PCGF6: variants seen among roughly 807,000 people sequenced by gnomAD.
PCGF6 encodes polycomb group ring finger 6, also known as polycomb group RING finger protein 6.
In PCGF6, 24 loss-of-function variants were observed where a neutral mutation model predicts 45.5. The observed-to-expected ratio is 0.53, with a 90% CI of 0.38 to 0.74. PCGF6 has a LOEUF of 0.74. PCGF6 is among the 30% of genes least tolerant of loss of function. The pLI is 0.00. For synonymous variants in PCGF6, 152 were observed against 162.1 expected (o/e 0.94, Z 0.47); for missense variants, 356 against 443.2 (o/e 0.80, Z 1.77).
chr10:103,349,295 G>A (rs1187694711), intron 1 of PCGF6, among the ~76,000 whole-genome samples: 4 of 151,594 alleles, frequency 2.6e-5, no homozygotes, highest in East Asian at 3.9e-4. Context: ...TGATCCACCC[G>A]CCAAGGCCTC....
At chr10:103,326,700 T>C (rs2093220227) in intron 7 of PCGF6, 68 bp from the exon 8 acceptor site, 6 of 1,133,272 alleles carry the variant, frequency 5.3e-6, no homozygotes, top group Non-Finnish European at 7.5e-6. Context: ...CGTATGTGTA[T>C]ATATATGTAA....
chr10:103,331,579 A>G (rs1180181313), intron 7 of PCGF6, among the ~76,000 whole-genome samples: 1 of 152,214 alleles, frequency 6.6e-6, no homozygotes, highest in East Asian at 1.9e-4. Flanking sequence ...TATTAAAAAT[A>G]CATATATATT....
chr10:103,306,524 T>C (rs1490845560), intron 9 of PCGF6, among the ~76,000 whole-genome samples: 3 of 152,206 alleles, frequency 2.0e-5, no homozygotes, highest in Non-Finnish European at 2.9e-5. Flanking sequence ...TTGCAGCTCA[T>C]ATATCCTGTA....
At chr10:103,319,158 T>G (rs952346316) in intron 8 of PCGF6, among the ~76,000 whole-genome samples, 1 of 152,158 alleles carries the variant, frequency 6.6e-6, no homozygotes, top group Non-Finnish European at 1.5e-5. Flanking sequence ...TCATACATAC[T>G]CTTCTTTTCG....
In PCGF6 at chr10:103,340,195, A is replaced by AT. The variant is rs1564733502; in HGVS notation, c.782+4828_782+4829insA. ...CTGTCTCAGGGAAAAAAAAAAAAAA[A>AT]AAAATATATATATATATATATATAT... On this transcript the variant is annotated intron_variant, in intron 6 of 9. Transcript: ENST00000369847. Among the ~76,000 whole-genome samples the AT allele has an allele frequency of 9.3e-3, 973 of 105,046 alleles. 1 individual carries two copies. Among genetic ancestry groups the AT allele is most frequent in the African/African-American group, 0.025 (638 of 25,668 alleles). The allele number at this position is 105,046 out of a possible 152,430, so 68.9% of individuals were successfully genotyped here.
intron 9 of PCGF6, among the ~76,000 whole-genome samples, chr10:103,305,782 T>A (rs2093136204): frequency 6.6e-6 from 1 of 151,998 alleles, no homozygotes; most frequent in Non-Finnish European, 1.5e-5. Context: ...ATGCAGTGGC[T>A]CATGCCTGTA....
intron 9 of PCGF6, among the ~76,000 whole-genome samples, chr10:103,312,821 C>T (rs1392733334): frequency 3.3e-5 from 5 of 152,132 alleles, no homozygotes; most frequent in East Asian, 1.9e-4. Flanking sequence ...ATTAGTTGGG[C>T]GTGGTGGCGC....
chr10:103,322,720 A>G (rs974394662), intron 8 of PCGF6, among the ~76,000 whole-genome samples: 1 of 152,042 alleles, frequency 6.6e-6, no homozygotes, highest in African/African-American at 2.4e-5. Flanking sequence ...GCTACCTGGG[A>G]GGCTGAGGCA....
intron 3 of PCGF6, 91 bp downstream of exon 3, chr10:103,348,625 G>T: frequency 1.0e-6 from 1 of 1,001,124 alleles, no homozygotes. Context: ...AACCCATCCT[G>T]AGAGGTCAAT....
At chr10:103,337,608 T>C (rs147690464) in intron 6 of PCGF6, among the ~76,000 whole-genome samples, 338 of 152,258 alleles carry the variant, frequency 2.2e-3, no homozygotes, top group African/African-American at 7.7e-3. Flanking sequence ...ATAGAAACTA[T>C]AGAACAAAAA....
At chr10:103,344,584 T>C (rs1169690099) in intron 6 of PCGF6, among the ~76,000 whole-genome samples, 2 of 146,946 alleles carry the variant, frequency 1.4e-5, no homozygotes, top group East Asian at 4.1e-4. Flanking sequence ...TTTTTTGAGA[T>C]GGAGTTTTGC....
chr10:103,326,840 A>C (rs951378736), intron 7 of PCGF6, among the ~76,000 whole-genome samples: 9 of 152,226 alleles, frequency 5.9e-5, no homozygotes, highest in African/African-American at 1.9e-4. Flanking sequence ...TCCCTTTCTG[A>C]AAAGTATGTC....
In PCGF6 at chr10:103,309,070, G is replaced by T. The variant is rs185127642; in HGVS notation, c.997-5109C>A. Among the ~76,000 whole-genome samples the T allele has an allele frequency of 5.3e-5, 8 of 152,246 alleles. 1 individual carries two copies. The East Asian group carries it at 1.5e-3, about 29-fold the overall frequency. ...TTTTGATTTGACAGGCTCATAGGCAGAAGGGACTAGCCTTGTCTCAGATGA... is the reference window on the plus strand; with the variant it reads ...TTTTGATTTGACAGGCTCATAGGCATAAGGGACTAGCCTTGTCTCAGATGA... On this transcript the variant is annotated intron_variant, in intron 9 of 9. Transcript: ENST00000369847.
At chr10:103,306,352 C>T (rs1294222266) in intron 9 of PCGF6, among the ~76,000 whole-genome samples, 3 of 152,064 alleles carry the variant, frequency 2.0e-5, no homozygotes, top group Non-Finnish European at 4.4e-5. Context: ...CCCGCCTTGG[C>T]CTCCCAAAGT....
intron 1 of PCGF6, 72 bp from the exon 2 acceptor site, chr10:103,349,071 C>CA: frequency 2.4e-6 from 3 of 1,263,704 alleles, no homozygotes; most frequent in East Asian, 2.4e-5. Context: ...TTTTTTGAGA[C>CA]AGAGTCTCAC....
chr10:103,345,908 T>A (rs955223827), intron 5 of PCGF6, among the ~76,000 whole-genome samples: 1 of 149,932 alleles, frequency 6.7e-6, no homozygotes, highest in Non-Finnish European at 1.5e-5. Flanking sequence ...GAACCAGGAT[T>A]TAGGCCAAGC....
intron 9 of PCGF6, among the ~76,000 whole-genome samples, chr10:103,304,492 T>C (rs1476340648): frequency 6.6e-6 from 1 of 151,972 alleles, no homozygotes; most frequent in African/African-American, 2.4e-5. Context: ...ACGTGCGTGC[T>C]ACCAGGCCCA....
intron 6 of PCGF6, among the ~76,000 whole-genome samples, chr10:103,339,811 ACACACACACACACACACACAC>A (rs1228093305): frequency 1.8e-4 from 8 of 45,006 alleles, no homozygotes; most frequent in East Asian, 5.2e-4. Context: ...CAAAAAAAAA[ACACACACACACACACACACAC>A]ACACACACAC....
At position 103,342,655 on chromosome 10, in the gene PCGF6, C is replaced by A. The variant is rs577405328; in HGVS notation, c.782+2369G>T. 3.3e-5 allele frequency among the ~76,000 whole-genome samples: 5 copies of A among 152,256 alleles called. No homozygotes were observed. The South Asian group carries it at 1.0e-3, about 32-fold the overall frequency. On this transcript the variant is annotated intron_variant, in intron 6 of 9. Coordinates refer to ENST00000369847, the MANE Select transcript of PCGF6 (RefSeq NM_001011663.2). Reference sequence around the variant, plus strand: ...AGTGAGCACAAGGTACATGGGCTTGCCTTTCTGCACCTTGCTTTTCCCACT... The same window carrying A: ...AGTGAGCACAAGGTACATGGGCTTGACTTTCTGCACCTTGCTTTTCCCACT...
Sources: allele counts gnomAD v4.1 joint callset (sites outside exome capture counted in the v4.1 genomes callset), GRCh38; gene constraint gnomAD v4.1.1; transcripts MANE v1.5; gene names NCBI Gene and HGNC (gene_info 2026-07-23, HGNC 2026-07-21).